Variants in CYSLTR2 observed in about 807,000 individuals in gnomAD.
CYSLTR2 encodes G-protein coupled receptor GPCR21.
For missense variants in CYSLTR2, 398 were observed against 411.9 expected (o/e 0.97, Z 0.29); for synonymous variants, 179 against 160.8 (o/e 1.11, Z -0.86).
rs767855972 is a variant in CYSLTR2, at chr13:48,707,011, A to G, written c.194A>G (p.Gln65Arg). 1 of 1,614,086 alleles carries G rather than the reference A, an allele frequency of 6.2e-7. No homozygotes were observed. Among genetic ancestry groups the G allele is most frequent in the Non-Finnish European group, 8.5e-7 (1 of 1,180,050 alleles). ...GGGTTGTCCATATATGTTTTCCTGCAGCCTTATAAGAAGTCCACATCTGTG... is the reference window on the plus strand; with the variant it reads ...GGGTTGTCCATATATGTTTTCCTGCGGCCTTATAAGAAGTCCACATCTGTG... ...GNGLSIYVFL[Q>R]PYKKSTSVNV... Residue 65 changes from glutamine (Q) to arginine (R), a missense_variant, in exon 5 of 5, where the codon CAG (glutamine) becomes CGG (arginine). Gln to Arg is a conservative substitution (Grantham distance 43, BLOSUM62 1). Coordinates refer to ENST00000682523, the MANE Select transcript of CYSLTR2 (RefSeq NM_001308476.3).
chr13:48,673,431 G>A (rs965255908), intron 1 of CYSLTR2, among the ~76,000 whole-genome samples: 14 of 126,326 alleles, frequency 1.1e-4, no homozygotes, highest in African/African-American at 3.5e-4. Flanking sequence ...TTGTAACCCC[G>A]GCTTTTTTTT....
At chr13:48,686,619 T>C (rs961997922) in intron 1 of CYSLTR2, among the ~76,000 whole-genome samples, 6 of 152,194 alleles carry the variant, frequency 3.9e-5, no homozygotes, top group African/African-American at 1.4e-4. Context: ...CCTCCCACAG[T>C]CATGGGCTGC....
At chr13:48,696,404 A>G (rs1954188047) in intron 3 of CYSLTR2, 122 bp from the exon 4 acceptor site, 1 of 152,154 alleles carries the variant, frequency 6.6e-6, no homozygotes, top group Non-Finnish European at 1.5e-5. Context: ...CATCTTGACA[A>G]GCTCCAATTT....
rs182796203 is a variant in CYSLTR2, at chr13:48,698,621, C to G, written c.-2+1995C>G. Among the ~76,000 whole-genome samples, 825 of 152,256 alleles carry G rather than the reference C, an allele frequency of 5.4e-3. 3 individuals are homozygous for G. The highest frequency in any genetic ancestry group is 9.2e-3 in the Non-Finnish European group (624 of 68,018). On this transcript the variant is annotated intron_variant, in intron 4 of 4. Transcript: ENST00000682523. ...GGAAGAAACTGCATCAACTAACAAG[C>G]AAAATAACCAGCTAACATCATAATA...
intron 1 of CYSLTR2, among the ~76,000 whole-genome samples, chr13:48,658,828 A>T (rs535458906): frequency 6.6e-6 from 1 of 152,154 alleles, no homozygotes; most frequent in Non-Finnish European, 1.5e-5. Flanking sequence ...CTGGACAACA[A>T]GATCAATACT....
At position 48,707,371 on chromosome 13, in the gene CYSLTR2, C is replaced by T; in HGVS notation, c.554C>T (p.Thr185Ile). The change falls in exon 5 of 5, where the codon ACA becomes ATA. Residue 185 changes from threonine (T) to isoleucine (I), a missense_variant. Transcript: ENST00000682523. ...DSGSEQNGSVTSCLELNLYKI... is the reference protein window; with the variant it reads ...DSGSEQNGSVISCLELNLYKI... ...GGCTCTGAGCAGAACGGCAGTGTCA[C>T]ATCATGCTTAGAGCTGAATCTCTAT... 8 of 1,614,128 alleles carry T rather than the reference C, an allele frequency of 5.0e-6. No individual in the cohort carries two copies. Among genetic ancestry groups the T allele is most frequent in the South Asian group, 1.1e-5 (1 of 91,076 alleles).
chr13:48,666,359 A>G (rs1953261654), intron 1 of CYSLTR2, among the ~76,000 whole-genome samples: 1 of 152,062 alleles, frequency 6.6e-6, no homozygotes, highest in Non-Finnish European at 1.5e-5. Context: ...TGACAGTGTA[A>G]GTGTAATGTG....
intron 4 of CYSLTR2, 67 bp from the exon 5 acceptor site, chr13:48,706,750 C>A: frequency 7.9e-7 from 1 of 1,260,296 alleles, no homozygotes; most frequent in South Asian, 1.4e-5. Context: ...GAGATGTAAT[C>A]AGTAAGCAAG....
intron 1 of CYSLTR2, among the ~76,000 whole-genome samples, chr13:48,656,228 T>G (rs1257572755): frequency 6.6e-6 from 1 of 152,204 alleles, no homozygotes; most frequent in Admixed American, 6.5e-5. Context: ...GTTCATGTGT[T>G]TCTGGTTGGC....
chr13:48,689,611 T>C (rs1391239187), intron 1 of CYSLTR2, among the ~76,000 whole-genome samples: 1 of 148,024 alleles, frequency 6.8e-6, no homozygotes, highest in African/African-American at 2.5e-5. Context: ...CATTGGTCTA[T>C]ATATCTGTTT....
chr13:48,684,068 A>T (rs1953832108), intron 1 of CYSLTR2, among the ~76,000 whole-genome samples: 1 of 152,064 alleles, frequency 6.6e-6, no homozygotes, highest in Non-Finnish European at 1.5e-5. Flanking sequence ...ATAGGTGCAC[A>T]CCACCATACC....
chr13:48,665,884 C>T (rs957187927), intron 1 of CYSLTR2, among the ~76,000 whole-genome samples: 16 of 151,930 alleles, frequency 1.1e-4, no homozygotes, highest in African/African-American at 3.9e-4. Flanking sequence ...TTTTGTGTAT[C>T]TTTTGTTCCT....
chr13:48,693,228 C>T (rs1039439404), intron 2 of CYSLTR2, among the ~76,000 whole-genome samples: 2 of 151,648 alleles, frequency 1.3e-5, no homozygotes, highest in Non-Finnish European at 2.9e-5. Context: ...TAACTTTGGC[C>T]TTATAGAAAC....
At position 48,654,251 on chromosome 13, in the gene CYSLTR2, TTGTGTGTGTGTGTGTGTG is replaced by T. The variant is rs372575519; in HGVS notation, c.-266+271_-266+288del. Among the ~76,000 whole-genome samples, 1,155 of 129,248 alleles carry T rather than the reference TTGTGTGTGTGTGTGTGTG, an allele frequency of 8.9e-3. 11 individuals are homozygous for T. The highest frequency in any genetic ancestry group is 0.019 in the South Asian group (68 of 3,660). The allele number at this position is 129,248 out of a possible 152,430, so 84.8% of individuals were successfully genotyped here. A position where few individuals can be genotyped will look rare whatever the true frequency, so the allele number is the denominator to read the frequency against. ...TATTGATATTTTGGGGATCGTCCCT[TTGTGTGTGTGTGTGTGTG>T]TGTGTGTGTGTGTGTGTGTGTGTGT... On this transcript the variant is annotated intron_variant, in intron 1 of 4. Transcript: ENST00000682523.
chr13:48,700,177 A>G (rs1023425791), intron 4 of CYSLTR2, among the ~76,000 whole-genome samples: 15 of 152,154 alleles, frequency 9.9e-5, no homozygotes, highest in Non-Finnish European at 2.1e-4. Flanking sequence ...TATGAGGCCA[A>G]CATCATCCTG....
At chr13:48,664,998 G>T (rs184524579) in intron 1 of CYSLTR2, among the ~76,000 whole-genome samples, 1 of 151,846 alleles carries the variant, frequency 6.6e-6, no homozygotes, top group Non-Finnish European at 1.5e-5. Context: ...ATAGTTTTTG[G>T]TATATTGTGT....
chr13:48,700,899 A>G (rs1007616356), intron 4 of CYSLTR2, among the ~76,000 whole-genome samples: 9 of 152,198 alleles, frequency 5.9e-5, no homozygotes, highest in African/African-American at 1.9e-4. Context: ...ATGAACTCCC[A>G]TTCACAATTG....
chr13:48,676,927 G>T (rs1483191750), intron 1 of CYSLTR2, among the ~76,000 whole-genome samples: 1 of 152,208 alleles, frequency 6.6e-6, no homozygotes, highest in Non-Finnish European at 1.5e-5. Context: ...CTGTCAAAAG[G>T]CATATCTGGG....
intron 1 of CYSLTR2, among the ~76,000 whole-genome samples, chr13:48,674,688 G>A (rs1953546444): frequency 6.6e-6 from 1 of 152,170 alleles, no homozygotes; most frequent in Non-Finnish European, 1.5e-5. Flanking sequence ...TGATCCTTTG[G>A]AGGTGAAGAG....
Sources: gnomAD v4.1 joint callset for allele counts (sites outside exome capture counted in the v4.1 genomes callset) on GRCh38, gnomAD v4.1.1 for gene constraint, MANE v1.5 for transcripts, NCBI Gene and HGNC (gene_info 2026-07-23, HGNC 2026-07-21) for gene names.